Variants in THEMIS observed in about 807,000 individuals in gnomAD.
THEMIS encodes the protein thymocyte selection associated, also known as protein THEMIS.
THEMIS carries 37 observed loss-of-function variants against 52.6 expected under a neutral mutation model. The ratio of observed to expected loss-of-function variants is 0.70; its 90% CI spans 0.54 to 0.93. The LOEUF is 0.93. Among genes scored for constraint, THEMIS ranks in the 40% least tolerant of loss-of-function variants. THEMIS has a pLI of 0.00. For missense variants in THEMIS, 808 were observed against 763.1 expected (o/e 1.06, Z -0.69); for synonymous variants, 292 against 272.7 (o/e 1.07, Z -0.70).
intron 1 of THEMIS, among the ~76,000 whole-genome samples, chr6:127,898,488 T>TA (rs1781038717): frequency 6.6e-6 from 1 of 151,722 alleles, no homozygotes; most frequent in South Asian, 2.1e-4. Flanking sequence ...ATCAAAAAGA[T>TA]AAAAAATAAT....
chr6:127,702,391 A>T, the THEMIS span, among the ~76,000 whole-genome samples: 1 of 152,138 alleles, frequency 6.6e-6, no homozygotes, highest in East Asian at 1.9e-4. Flanking sequence ...TATTCCTGGA[A>T]AGGTCTCAGA....
chr6:127,848,742 C>T (rs1279591547), intron 2 of THEMIS, among the ~76,000 whole-genome samples: 1 of 152,130 alleles, frequency 6.6e-6, no homozygotes, highest in Non-Finnish European at 1.5e-5. Flanking sequence ...AGTGTCTGTT[C>T]ATATCCCTTG....
chr6:127,780,569 G>A (rs1462133561), intron 4 of THEMIS, among the ~76,000 whole-genome samples: 5 of 152,088 alleles, frequency 3.3e-5, no homozygotes, highest in Non-Finnish European at 1.5e-5. Flanking sequence ...CTTCCTTCAG[G>A]AATTCTTGTA....
rs1773871663 is a variant in THEMIS at position 127,708,644 on chromosome 6, AT to A, written c.*1340del. The A allele has an allele frequency of 6.6e-6, 1 of 152,104 alleles. No homozygotes were observed. The highest frequency in any genetic ancestry group is 1.5e-5 in the Non-Finnish European group (1 of 67,984). The allele number at this position is 152,104 out of a possible 1,614,324, so 9.4% of individuals were successfully genotyped here. A position where few individuals can be genotyped will look rare whatever the true frequency, so the allele number is the denominator to read the frequency against. ...AAATAAATAAAAGAAAAACTGTCCC[AT>A]AAAACTTTAGACATTGTAGATAAGA... On this transcript the variant is annotated 3_prime_UTR_variant, in exon 6 of 6. Coordinates refer to ENST00000368248, the MANE Select transcript of THEMIS (RefSeq NM_001010923.3).
At chr6:127,731,694 C>CTTTT (rs34588130) in intron 4 of THEMIS, among the ~76,000 whole-genome samples, 3 of 93,408 alleles carry the variant, frequency 3.2e-5, no homozygotes, top group African/African-American at 8.5e-5. Flanking sequence ...TTTATTGCTA[C>CTTTT]TTTTTTTTTT....
rs751381119 is a variant in THEMIS, at chr6:127,813,352, A to G, written c.1289T>C (p.Met430Thr). ...AATCACCTCTACAAAACCTCCTTCC[A>G]TGTACAAAGGGAGCAGCGCAGCCTC... ...SYEAALLPLYMEGGFVEVIHD... is the reference protein window; with the variant it reads ...SYEAALLPLYTEGGFVEVIHD... Residue 430 changes from methionine (M) to threonine (T), a missense_variant, in exon 4 of 6, where the codon ATG becomes ACG. Met to Thr is a moderately conservative substitution (Grantham distance 81). Coordinates refer to ENST00000368248, the MANE Select transcript of THEMIS (RefSeq NM_001010923.3). 8.1e-6 allele frequency: 13 copies of G among 1,613,976 alleles called. No homozygotes were observed. The highest frequency in any genetic ancestry group is 6.6e-5 in the South Asian group (6 of 91,074).
chr6:127,896,484 T>A (rs1780971256), intron 1 of THEMIS, among the ~76,000 whole-genome samples: 1 of 151,510 alleles, frequency 6.6e-6, no homozygotes, highest in African/African-American at 2.4e-5. Flanking sequence ...AGAAATGAAA[T>A]AGACTTAAAT....
chr6:127,723,720 C>G (rs992530283), intron 4 of THEMIS, among the ~76,000 whole-genome samples: 8 of 151,978 alleles, frequency 5.3e-5, no homozygotes, highest in African/African-American at 1.9e-4. Context: ...AAATTTCCCC[C>G]TTAATATTAA....
At chr6:127,832,161 A>C (rs144473003) in intron 2 of THEMIS, among the ~76,000 whole-genome samples, 1 of 152,300 alleles carries the variant, frequency 6.6e-6, no homozygotes, top group East Asian at 1.9e-4. Flanking sequence ...TGGGGAATAG[A>C]GCTCACCTAA....
At chr6:127,786,930 GA>G (rs1776968527) in intron 4 of THEMIS, among the ~76,000 whole-genome samples, 2 of 152,204 alleles carry the variant, frequency 1.3e-5, no homozygotes, top group South Asian at 4.1e-4. Context: ...GTAGCTGTGA[GA>G]AAAAGCAACT....
At chr6:127,909,050 GTATA>G (rs536296309) in intron 1 of THEMIS, among the ~76,000 whole-genome samples, 2 of 151,246 alleles carry the variant, frequency 1.3e-5, no homozygotes, top group African/African-American at 2.4e-5. Flanking sequence ...AATATATTAA[GTATA>G]TATATTACAA....
chr6:127,887,422 CAT>C (rs1361794467), intron 1 of THEMIS, among the ~76,000 whole-genome samples: 5 of 152,088 alleles, frequency 3.3e-5, no homozygotes, highest in African/African-American at 1.2e-4. Context: ...TGTAAAATGA[CAT>C]ATTATTCATA....
At chr6:127,784,158 T>C (rs754530550) in intron 4 of THEMIS, among the ~76,000 whole-genome samples, 6 of 152,058 alleles carry the variant, frequency 3.9e-5, no homozygotes, top group Non-Finnish European at 8.8e-5. Context: ...ACACCGCATA[T>C]TGTCACTCAT....
intron 4 of THEMIS, among the ~76,000 whole-genome samples, chr6:127,723,817 A>C (rs1221505340): frequency 1.3e-5 from 2 of 152,004 alleles, no homozygotes; most frequent in Non-Finnish European, 2.9e-5. Flanking sequence ...TTGTACTTCT[A>C]CTATAATGCA....
At chr6:127,790,175 A>G (rs1288196919) in intron 4 of THEMIS, among the ~76,000 whole-genome samples, 1 of 152,216 alleles carries the variant, frequency 6.6e-6, no homozygotes, top group Non-Finnish European at 1.5e-5. Context: ...CAACTTCAGT[A>G]AATCTCAGGA....
intron 4 of THEMIS, among the ~76,000 whole-genome samples, chr6:127,811,116 A>G (rs1025641747): frequency 2.0e-5 from 3 of 152,232 alleles, no homozygotes; most frequent in African/African-American, 4.8e-5. Flanking sequence ...AGTGACTTGC[A>G]TATAGATTTG....
chr6:127,702,244 G>A, the THEMIS span, among the ~76,000 whole-genome samples: 1 of 152,182 alleles, frequency 6.6e-6, no homozygotes, highest in East Asian at 1.9e-4. Flanking sequence ...AAAGTCAACT[G>A]TTTGTCCAAT....
chr6:127,918,001 A>G (rs530032650), intron 1 of THEMIS, among the ~76,000 whole-genome samples: 1 of 152,258 alleles, frequency 6.6e-6, no homozygotes, highest in Admixed American at 6.5e-5. Context: ...TAATCAATAC[A>G]CTGTAGTAAA....
At chr6:127,871,555 A>G (rs1040697592) in intron 1 of THEMIS, among the ~76,000 whole-genome samples, 1 of 152,094 alleles carries the variant, frequency 6.6e-6, no homozygotes, top group Non-Finnish European at 1.5e-5. Flanking sequence ...TAAAATTGAT[A>G]AAATACTAGC....
Sources: gnomAD v4.1 joint callset for allele counts (sites outside exome capture counted in the v4.1 genomes callset) on GRCh38, gnomAD v4.1.1 for gene constraint, MANE v1.5 for transcripts, NCBI Gene and HGNC (gene_info 2026-07-23, HGNC 2026-07-21) for gene names.